The following MYO3B variants were observed in gnomAD, a reference collection of about 807,000 sequenced individuals.
MYO3B encodes myosin-IIIb.
A neutral mutation model predicts 174.6 loss-of-function variants in MYO3B; 156 were observed. The observed-to-expected ratio is 0.89, with a 90% confidence interval of 0.78 to 1.02. The LOEUF (loss-of-function observed/expected upper bound fraction) is 1.02. Ranked by LOEUF, MYO3B falls within the 50% of genes least tolerant of loss-of-function variation. The pLI, the probability that MYO3B is intolerant of heterozygous loss-of-function variation, is 0.00. For missense variants in MYO3B, 1,632 were observed against 1,639.4 expected, an observed-to-expected ratio of 1.00 and a Z score of 0.08; for synonymous variants, 563 against 569.1, an observed-to-expected ratio of 0.99 and a Z score of 0.15.
chr2:170,472,707 A>ATTTG (rs1685049943), intron 25 of MYO3B, among the ~76,000 whole-genome samples: 2 of 144,346 alleles, frequency 1.4e-5, no homozygotes, highest in Non-Finnish European at 3.0e-5. Flanking sequence ...TTATTTATTT[A>ATTTG]TTTATTTATT....
intron 30 of MYO3B, among the ~76,000 whole-genome samples, chr2:170,520,542 A>G: frequency 6.6e-6 from 1 of 152,126 alleles, no homozygotes; most frequent in Non-Finnish European, 1.5e-5. Flanking sequence ...TGGGGGAGAT[A>G]TATATATTAT....
intron 32 of MYO3B, among the ~76,000 whole-genome samples, chr2:170,587,305 A>G (rs1394946345): frequency 6.6e-6 from 1 of 152,214 alleles, no homozygotes; most frequent in Non-Finnish European, 1.5e-5. Context: ...TGTTTACCAC[A>G]TCTCTTGATT....
At chr2:170,614,391 G>T (rs552853862) in intron 32 of MYO3B, among the ~76,000 whole-genome samples, 1 of 152,160 alleles carries the variant, frequency 6.6e-6, no homozygotes, top group South Asian at 2.1e-4. Flanking sequence ...TGGATTCCTG[G>T]GCTCTCTTTG....
At chr2:170,340,096 A>G (rs1434669022) in intron 8 of MYO3B, 1 of 152,186 alleles carries the variant, frequency 6.6e-6, no homozygotes, top group Admixed American at 6.5e-5. Context: ...CCTTGGTCCT[A>G]ATGGATGTCA....
intron 32 of MYO3B, among the ~76,000 whole-genome samples, chr2:170,605,058 G>T (rs1694731758): frequency 6.6e-6 from 1 of 152,034 alleles, no homozygotes; most frequent in Non-Finnish European, 1.5e-5. Context: ...GAACCCCTTT[G>T]GGTCCTACCG....
chr2:170,356,634 T>G (rs573760063), intron 8 of MYO3B, among the ~76,000 whole-genome samples: 1 of 151,912 alleles, frequency 6.6e-6, no homozygotes, highest in South Asian at 2.1e-4. Context: ...AGTGCTGGGA[T>G]TACAAGTGTG....
chr2:170,519,513 A>T lies in MYO3B; in HGVS notation c.3548A>T (p.Asn1183Ile). The change falls in exon 30 of 35, where the codon AAC (asparagine) becomes ATC (isoleucine). Residue 1183 changes from asparagine (N) to isoleucine (I), a missense_variant. Asn to Ile is a moderately radical substitution (Grantham distance 149, BLOSUM62 -3). Transcript: ENST00000408978. The stretch of plus-strand genomic sequence containing the variant: ...AATGGCCGTACACAGACTTCAAGCA[A>T]CTCTCCTGCTGTCACAGAGAAAAAT... ...SNNGRTQTSSNSPAVTEKNGH... is the reference protein window; with the variant it reads ...SNNGRTQTSSISPAVTEKNGH... The T allele has an allele frequency of 6.2e-7, 1 of 1,613,790 alleles. No individual in the cohort carries two copies. The highest frequency in any genetic ancestry group is 8.5e-7 in the Non-Finnish European group (1 of 1,179,944).
At chr2:170,523,563 C>T (rs1438395691) in intron 30 of MYO3B, among the ~76,000 whole-genome samples, 1 of 152,158 alleles carries the variant, frequency 6.6e-6, no homozygotes, top group Non-Finnish European at 1.5e-5. Context: ...CCCATAGATT[C>T]AAGGATCCCT....
At chr2:170,325,637 A>G (rs1243564408) in intron 7 of MYO3B, among the ~76,000 whole-genome samples, 7 of 152,114 alleles carry the variant, frequency 4.6e-5, no homozygotes, top group African/African-American at 1.7e-4. Context: ...GAGTTTGGGG[A>G]GGAACTGGTC....
chr2:170,263,424 G>A (rs1184404786), intron 7 of MYO3B, among the ~76,000 whole-genome samples: 1 of 152,092 alleles, frequency 6.6e-6, no homozygotes, highest in Non-Finnish European at 1.5e-5. Context: ...CCAGGGGACC[G>A]GCACCGGCAC....
intron 9 of MYO3B, among the ~76,000 whole-genome samples, chr2:170,377,321 C>T (rs1481745680): frequency 1.3e-5 from 2 of 152,222 alleles, no homozygotes; most frequent in Admixed American, 6.5e-5. Context: ...TCCTCTAAAG[C>T]TCCTTTCCCA....
At chr2:170,255,213 G>T (rs1223329553) in intron 7 of MYO3B, among the ~76,000 whole-genome samples, 2 of 152,188 alleles carry the variant, frequency 1.3e-5, no homozygotes, top group African/African-American at 2.4e-5. Flanking sequence ...TGCTAAGACA[G>T]GTGGGAGTAG....
At chr2:170,453,439 C>CACACACACAT (rs1559016103) in intron 23 of MYO3B, among the ~76,000 whole-genome samples, 1 of 137,556 alleles carries the variant, frequency 7.3e-6, no homozygotes, top group Admixed American at 7.4e-5. Context: ...CACACACACA[C>CACACACACAT]ACACACACAC....
At chr2:170,395,906 C>T (rs935729901) in intron 16 of MYO3B, among the ~76,000 whole-genome samples, 19 of 152,150 alleles carry the variant, frequency 1.2e-4, no homozygotes, top group Admixed American at 5.2e-4. Context: ...AGTTTTCTCT[C>T]TACTTTTCAA....
At position 170,515,006 on chromosome 2, in the gene MYO3B, G is replaced by T; in HGVS notation, c.3456G>T (p.Glu1152Asp). 6.2e-7 allele frequency: 1 copy of T among 1,613,960 alleles called. No individual in the cohort carries two copies. Among genetic ancestry groups the T allele is most frequent in the Non-Finnish European group, 8.5e-7 (1 of 1,179,888 alleles). ...RGSAEVQDCSEPGDHKVLRGS... is the reference protein window; with the variant it reads ...RGSAEVQDCSDPGDHKVLRGS... ...GTGCCGAGGTTCAAGACTGCAGCGAGCCTGGTGACCATAAAGGTAGAGTCT... is the reference window on the plus strand; with the variant it reads ...GTGCCGAGGTTCAAGACTGCAGCGATCCTGGTGACCATAAAGGTAGAGTCT... The change falls in exon 29 of 35, where the codon GAG (glutamate) becomes GAT (aspartate). Residue 1152 changes from glutamate to aspartate, a missense_variant. Glu to Asp is a conservative substitution (Grantham distance 45, BLOSUM62 2). Coordinates refer to ENST00000408978, the MANE Select transcript of MYO3B (RefSeq NM_138995.5).
At chr2:170,395,723 G>A (rs2094439185) in intron 16 of MYO3B, among the ~76,000 whole-genome samples, 1 of 152,068 alleles carries the variant, frequency 6.6e-6, no homozygotes, top group Non-Finnish European at 1.5e-5. Context: ...GCAGTGCTTA[G>A]GGAAGAACTG....
chr2:170,421,925 C>A (rs2094618476), intron 22 of MYO3B, among the ~76,000 whole-genome samples: 1 of 152,108 alleles, frequency 6.6e-6, no homozygotes, highest in Non-Finnish European at 1.5e-5. Context: ...TTAAGTGTTT[C>A]TTTCATTTTT....
At chr2:170,281,103 C>T (rs995319214) in intron 7 of MYO3B, among the ~76,000 whole-genome samples, 5 of 152,050 alleles carry the variant, frequency 3.3e-5, no homozygotes, top group Non-Finnish European at 7.4e-5. Flanking sequence ...TCTTTCTATC[C>T]ATGAGCATGG....
chr2:170,354,210 T>C (rs144126310), intron 8 of MYO3B, among the ~76,000 whole-genome samples: 104 of 152,324 alleles, frequency 6.8e-4, no homozygotes, highest in African/African-American at 2.3e-3. Flanking sequence ...CCTGAGCTAG[T>C]GTTACTCCCT....
Sources: gnomAD v4.1 joint callset for allele counts (sites outside exome capture counted in the v4.1 genomes callset) on GRCh38, gnomAD v4.1.1 for gene constraint, MANE v1.5 for transcripts, NCBI Gene and HGNC (gene_info 2026-07-23, HGNC 2026-07-21) for gene names.